SPPL2B: variants seen among roughly 807,000 people sequenced by gnomAD.
SPPL2B encodes signal peptide peptidase like 2B, also known as signal peptide peptidase-like 2B.
In SPPL2B, 39 loss-of-function variants were observed where a neutral mutation model predicts 59.7. The observed-to-expected ratio is 0.65, with a 90% CI of 0.51 to 0.85. The LOEUF (loss-of-function observed/expected upper bound fraction) is 0.85. Among genes scored for constraint, SPPL2B ranks in the 40% least tolerant of loss-of-function variants. SPPL2B has a pLI of 0.00. For missense variants in SPPL2B, 865 were observed against 849.0 expected (o/e 1.02, Z -0.23); for synonymous variants, 419 against 370.8 (o/e 1.13, Z -1.49).
chr19:2,338,927 G>T, intron 4 of SPPL2B, 86 bp downstream of exon 4: 1 of 1,515,780 alleles, frequency 6.6e-7, no homozygotes, highest in Non-Finnish European at 9.0e-7. Context: ...TTGTGCCTCA[G>T]TTGGTGGGAT....
rs575350960 is a variant in SPPL2B, at chr19:2,336,580, G to C, written c.187-863G>C. ...GTAATAGGTGTGTGTGCGTGAGCTTGAGTGCACAGGTATGTGCTTGTATAT... is the reference window on the plus strand; with the variant it reads ...GTAATAGGTGTGTGTGCGTGAGCTTCAGTGCACAGGTATGTGCTTGTATAT... On this transcript the variant is annotated intron_variant, in intron 2 of 14. Coordinates refer to ENST00000613503, the MANE Select transcript of SPPL2B (RefSeq NM_152988.3). Among the ~76,000 whole-genome samples the C allele has an allele frequency of 2.6e-5, 4 of 152,090 alleles. 1 individual carries two copies. In the South Asian group the frequency reaches 8.3e-4, roughly 32 times the overall value.
intron 8 of SPPL2B, chr19:2,341,235 G>A (rs910569462): frequency 5.9e-6 from 4 of 683,554 alleles, no homozygotes; most frequent in Admixed American, 2.0e-5. Flanking sequence ...ACTGGAATCC[G>A]GGAGGAGAGG....
chr19:2,338,925 C>A, intron 4 of SPPL2B, 84 bp downstream of exon 4: 1 of 1,516,004 alleles, frequency 6.6e-7, no homozygotes, highest in Non-Finnish European at 9.0e-7. Flanking sequence ...GTTTGTGCCT[C>A]AGTTGGTGGG....
rs779268868 is a variant in SPPL2B, at chr19:2,353,129, G to A, written c.1699G>A (p.Glu567Lys). 1 of 1,610,594 alleles carries A rather than the reference G, an allele frequency of 6.2e-7. No individual in the cohort carries two copies. Among genetic ancestry groups the A allele is most frequent in the Admixed American group, 1.7e-5 (1 of 59,644 alleles). The change falls in exon 15 of 15, where the codon GAG (glutamate) becomes AAG (lysine). Residue 567 changes from glutamate to lysine, a missense_variant. By Grantham distance (56) the Glu-to-Lys change is moderately conservative (BLOSUM62 1). Coordinates refer to ENST00000613503, the MANE Select transcript of SPPL2B (RefSeq NM_152988.3). Reference sequence around the variant, plus strand: ...GATGGGGGCTGGAGCCCCCATGCGGGAGCCTGGGAGCCCAGCTGAATCCGA... The same window carrying A: ...GATGGGGGCTGGAGCCCCCATGCGGAAGCCTGGGAGCCCAGCTGAATCCGA... ...EEMGAGAPMR[E>K]PGSPAESEGR... is the part of the protein sequence containing the mutation.
At chr19:2,341,272 G>A (rs752203161) in intron 8 of SPPL2B, 28 of 652,494 alleles carry the variant, frequency 4.3e-5, no homozygotes, top group South Asian at 3.0e-4. Context: ...CAGGAGCCAC[G>A]TCCTCCAGCC....
Position 2,338,923 on chromosome 19 carries a change from C to G in SPPL2B, c.459+82C>G, listed in dbSNP as rs1011367971. The G allele has an allele frequency of 2.6e-6, 4 of 1,521,040 alleles. No homozygotes were observed. The African/African-American group carries it at 5.5e-5, about 21-fold the overall frequency. 94.2% of individuals were successfully genotyped at this position (1,521,040 alleles called of 1,614,324 possible). A position where few individuals can be genotyped will look rare whatever the true frequency, so the allele number is the denominator to read the frequency against. ...GGCTGGCTGCCGGGGGGGTTTGTGC[C>G]TCAGTTGGTGGGATCAGGGTGGTGG... On this transcript the variant is annotated intron_variant, in intron 4 of 14. Coordinates refer to ENST00000613503, the MANE Select transcript of SPPL2B (RefSeq NM_152988.3).
At chr19:2,343,045 G>C in intron 8 of SPPL2B, 166 bp from the exon 9 acceptor site, 1 of 623,162 alleles carries the variant, frequency 1.6e-6, no homozygotes, top group East Asian at 2.8e-5. Context: ...TAACAGCAGG[G>C]GTCCTCCCAC....
Position 2,340,415 on chromosome 19 carries a change from C to T in SPPL2B, c.839+243C>T, listed in dbSNP as rs538887425. The T allele has an allele frequency of 1.3e-4, 82 of 635,312 alleles. No individual in the cohort carries two copies. In the African/African-American group the frequency reaches 1.5e-3, roughly 11 times the overall value. 39.4% of individuals were successfully genotyped at this position (635,312 alleles called of 1,614,324 possible). A position where few individuals can be genotyped will look rare whatever the true frequency, so the allele number is the denominator to read the frequency against. ...GGAGGGTGCCCTTGTCCCCAGGAAC[C>T]CTGCCCCAGGTCGCAGGCCGAACCC... On this transcript the variant is annotated intron_variant, in intron 7 of 14. Coordinates refer to ENST00000613503, the MANE Select transcript of SPPL2B (RefSeq NM_152988.3).
At chr19:2,351,933 A>G (rs1969950389) in intron 14 of SPPL2B, among the ~76,000 whole-genome samples, 1 of 151,784 alleles carries the variant, frequency 6.6e-6, no homozygotes, top group South Asian at 2.1e-4. Context: ...CTTCTCCCAA[A>G]TAGTAGTGCC....
intron 7 of SPPL2B, 59 bp from the exon 8 acceptor site, chr19:2,340,839 G>A: frequency 1.9e-6 from 2 of 1,058,072 alleles, no homozygotes. Flanking sequence ...AAGGGTGGTG[G>A]GCAGTGGGAT....
In SPPL2B at chr19:2,338,729, C is replaced by T. The variant is rs370489118; in HGVS notation, c.370-23C>T. The T allele has an allele frequency of 1.3e-5, 20 of 1,569,652 alleles. 1 individual carries two copies. The highest frequency in any genetic ancestry group is 1.7e-4 in the Middle Eastern group (1 of 5,980). On this transcript the variant is annotated intron_variant, in intron 3 of 14. Transcript: ENST00000613503. ...ACCCACTGCTGCGGGTGATGCCTGC[C>T]GCTCCCTCCTCTGGGCCCCCAGGTC...
At position 2,353,210 on chromosome 19, in the gene SPPL2B, G is replaced by T. The variant is rs775219707; in HGVS notation, c.*1G>T. The T allele has an allele frequency of 6.3e-7, 1 of 1,593,482 alleles. No individual in the cohort carries two copies. Among genetic ancestry groups the T allele is most frequent in the Admixed American group, 1.7e-5 (1 of 58,272 alleles). ...AACCCAGCCTGGCGCCTCGGCCTAG[G>T]GGAGGGGTGAGACGCTCGCTGCCGT... On this transcript the variant is annotated 3_prime_UTR_variant, in exon 15 of 15. Transcript: ENST00000613503.
chr19:2,330,452 C>G (rs922524881), intron 1 of SPPL2B: 2 of 152,196 alleles, frequency 1.3e-5, no homozygotes, highest in Non-Finnish European at 1.5e-5. Context: ...AGGAGTTTGC[C>G]GGGTCGGCAG....
chr19:2,347,470 G>A (rs1370217856), intron 13 of SPPL2B, among the ~76,000 whole-genome samples: 1 of 38,548 alleles, frequency 2.6e-5, no homozygotes, highest in African/African-American at 1.2e-4. Flanking sequence ...GCCTGATTCC[G>A]TTCTCTCTCC....
chr19:2,345,170 C>T (rs1969294191), intron 12 of SPPL2B, 83 bp from the exon 13 acceptor site: 4 of 1,199,186 alleles, frequency 3.3e-6, no homozygotes, highest in Admixed American at 1.9e-5. Context: ...CCCACAGGTG[C>T]TCAGGTGCCC....
intron 8 of SPPL2B, chr19:2,342,477 C>T (rs111716881): frequency 6.6e-6 from 1 of 152,250 alleles, no homozygotes; most frequent in African/African-American, 2.4e-5. Flanking sequence ...ATGACAAAAC[C>T]CCATCTCTAC....
intron 8 of SPPL2B, 49 bp from the exon 9 acceptor site, chr19:2,343,162 G>A (rs767695435): frequency 1.3e-5 from 19 of 1,477,768 alleles, no homozygotes; most frequent in Non-Finnish European, 1.8e-5. Flanking sequence ...CGGCGTCCTG[G>A]GTGGTCAGCC....
chr19:2,340,993 G>T lies in SPPL2B; in HGVS notation c.935G>T (p.Gly312Val). The change falls in exon 8 of 15, where the codon GGC (glycine) becomes GTC (valine). Residue 312 changes from glycine to valine, a missense_variant. Coordinates refer to ENST00000613503, the MANE Select transcript of SPPL2B (RefSeq NM_152988.3). ...TGCGTGGCCGTCAGCGTGGTGTGGG[G>T]CGTCTTCCGCAACGAGGACCAGTAA... ...LFCVAVSVVW[G>V]VFRNEDQWAW... 1 of 1,604,538 alleles carries T rather than the reference G, an allele frequency of 6.2e-7. No homozygotes were observed. Among genetic ancestry groups the T allele is most frequent in the Non-Finnish European group, 8.5e-7 (1 of 1,179,514 alleles).
At chr19:2,335,268 G>A (rs1207144891) in intron 2 of SPPL2B, among the ~76,000 whole-genome samples, 5 of 125,100 alleles carry the variant, frequency 4.0e-5, no homozygotes, top group Non-Finnish European at 3.3e-5. Context: ...TTCAGGCCCC[G>A]CCTCCTTTCC....
Sources: allele counts gnomAD v4.1 joint callset (sites outside exome capture counted in the v4.1 genomes callset), GRCh38; gene constraint gnomAD v4.1.1; transcripts MANE v1.5; gene names NCBI Gene and HGNC (gene_info 2026-07-23, HGNC 2026-07-21).